The following SLAIN2 variants were observed in gnomAD, a reference collection of about 807,000 sequenced individuals.
SLAIN2 encodes the protein SLAIN motif-containing protein 2.
A neutral mutation model predicts 56.6 loss-of-function variants in SLAIN2; 31 were observed. The ratio of observed to expected loss-of-function variants is 0.55; its 90% CI spans 0.41 to 0.74. The LOEUF is 0.74. Among genes scored for constraint, SLAIN2 ranks in the 30% least tolerant of loss-of-function variants. The pLI is 0.00. For synonymous variants in SLAIN2, 317 were observed against 284.9 expected (o/e 1.11, Z -1.13); for missense variants, 777 against 754.2 (o/e 1.03, Z -0.35).
intron 2 of SLAIN2, among the ~76,000 whole-genome samples, chr4:48,371,934 C>T (rs1284312226): frequency 1.3e-5 from 2 of 151,544 alleles, no homozygotes; most frequent in African/African-American, 2.4e-5. Flanking sequence ...GAGCAAGACC[C>T]TGTTGCCAAA....
intron 1 of SLAIN2, among the ~76,000 whole-genome samples, chr4:48,359,641 GGGA>G (rs1162292478): frequency 6.6e-6 from 1 of 152,134 alleles, no homozygotes; most frequent in East Asian, 1.9e-4. Flanking sequence ...GGTAGAGAAA[GGGA>G]GGTTATTATC....
chr4:48,414,558 T>A (rs1159351075), intron 6 of SLAIN2, among the ~76,000 whole-genome samples: 3 of 35,168 alleles, frequency 8.5e-5, no homozygotes, highest in African/African-American at 1.8e-4. Flanking sequence ...GTATTTTTTT[T>A]TTTTTTTTTT....
At chr4:48,400,593 G>C (rs1006092408) in intron 6 of SLAIN2, among the ~76,000 whole-genome samples, 5 of 151,676 alleles carry the variant, frequency 3.3e-5, no homozygotes, top group African/African-American at 1.2e-4. Context: ...GTAGAGATGG[G>C]GTTTCACTAT....
rs76866681 is a variant in SLAIN2, at chr4:48,379,674, T to C, written c.704-16T>C. ...CTTTACCAGAGTTTGAATTTTTTTC[T>C]TTTTTTTTTTTTAAGGTAACTTGAA... is the stretch of plus-strand genomic sequence containing the variant. On this transcript the variant is annotated splice_polypyrimidine_tract_variant and intron_variant, in intron 3 of 7. Coordinates refer to ENST00000264313, the MANE Select transcript of SLAIN2 (RefSeq NM_020846.2). 1.1e-5 allele frequency: 3 copies of C among 282,300 alleles called. No homozygotes were observed. Among genetic ancestry groups the C allele is most frequent in the Non-Finnish European group, 1.2e-5 (2 of 171,312 alleles). 17.5% of individuals were successfully genotyped at this position (282,300 alleles called of 1,614,324 possible).
chr4:48,412,407 CACACACACAT>C (rs763242773), intron 6 of SLAIN2, among the ~76,000 whole-genome samples: 6,379 of 63,056 alleles, frequency 0.1, 349 homozygotes, highest in Middle Eastern at 0.21. Context: ...CACACACACA[CACACACACAT>C]TCCCTCTCTC....
intron 1 of SLAIN2, among the ~76,000 whole-genome samples, chr4:48,365,331 G>A (rs146532730): frequency 0.017 from 2,563 of 150,868 alleles, 73 homozygotes; most frequent in African/African-American, 0.059. Context: ...CTAGTTGGGC[G>A]TGGTGGCGGG....
chr4:48,401,590 G>A (rs1716558527), intron 6 of SLAIN2, among the ~76,000 whole-genome samples: 1 of 152,112 alleles, frequency 6.6e-6, no homozygotes, highest in Non-Finnish European at 1.5e-5. Flanking sequence ...CAGAAAGTAG[G>A]ATTGCAACCC....
At chr4:48,399,096 A>G (rs1468530934) in intron 6 of SLAIN2, among the ~76,000 whole-genome samples, 1 of 152,144 alleles carries the variant, frequency 6.6e-6, no homozygotes, top group Non-Finnish European at 1.5e-5. Flanking sequence ...CAGTATGGCC[A>G]TTTTCATGAT....
chr4:48,371,070 AAAG>A (rs1293068045), intron 2 of SLAIN2, among the ~76,000 whole-genome samples: 1 of 152,018 alleles, frequency 6.6e-6, no homozygotes, highest in Non-Finnish European at 1.5e-5. Context: ...TCCTCTATGA[AAAG>A]AAGCCCTTTT....
chr4:48,358,273 A>G (rs1258443688), intron 1 of SLAIN2, among the ~76,000 whole-genome samples: 1 of 152,058 alleles, frequency 6.6e-6, no homozygotes, highest in African/African-American at 2.4e-5. Context: ...TGTAATGAGC[A>G]TTTGATACAG....
chr4:48,360,524 A>G (rs436979), intron 1 of SLAIN2, among the ~76,000 whole-genome samples: 138,276 of 152,138 alleles, frequency 0.91, 64,321 homozygotes, highest in East Asian at 1. Flanking sequence ...CCTGGGAGAC[A>G]GAGGTTGCTG....
intron 6 of SLAIN2, among the ~76,000 whole-genome samples, chr4:48,393,293 A>AGCT (rs752639982): frequency 1.9e-4 from 29 of 152,230 alleles, no homozygotes; most frequent in Admixed American, 4.6e-4. Context: ...GTGCAGTCAC[A>AGCT]GCTCACTGCA....
intron 1 of SLAIN2, among the ~76,000 whole-genome samples, chr4:48,360,420 G>A (rs551644610): frequency 6.7e-4 from 102 of 151,880 alleles, no homozygotes; most frequent in African/African-American, 2.4e-3. Context: ...GGAAAACCTG[G>A]TCTCTACCAA....
intron 1 of SLAIN2, among the ~76,000 whole-genome samples, chr4:48,362,073 T>C (rs1715340431): frequency 1.3e-5 from 2 of 152,206 alleles, no homozygotes; most frequent in Admixed American, 1.3e-4. Context: ...TAATGGATTT[T>C]CTATATGCAG....
chr4:48,342,722 T>TC (rs1714753118), intron 1 of SLAIN2, among the ~76,000 whole-genome samples: 1 of 142,772 alleles, frequency 7.0e-6, no homozygotes, highest in Non-Finnish European at 1.5e-5. Flanking sequence ...TTTTTTTTTT[T>TC]TTTTTTTTTT....
intron 6 of SLAIN2, among the ~76,000 whole-genome samples, chr4:48,418,598 G>A (rs1226504162): frequency 6.6e-6 from 1 of 151,970 alleles, no homozygotes; most frequent in African/African-American, 2.4e-5. Flanking sequence ...AAACAATATT[G>A]ATCCGAAGTT....
At chr4:48,410,237 T>C (rs1327867941) in intron 6 of SLAIN2, among the ~76,000 whole-genome samples, 2 of 152,082 alleles carry the variant, frequency 1.3e-5, no homozygotes, top group Non-Finnish European at 2.9e-5. Context: ...TATATCTTCT[T>C]TGGAGAAATG....
intron 6 of SLAIN2, among the ~76,000 whole-genome samples, chr4:48,386,455 T>C (rs1449492357): frequency 6.6e-6 from 1 of 152,188 alleles, no homozygotes; most frequent in Non-Finnish European, 1.5e-5. Flanking sequence ...ACATCTATGG[T>C]TTAGACCATG....
chr4:48,349,961 G>A (rs534910392), intron 1 of SLAIN2, among the ~76,000 whole-genome samples: 11 of 151,674 alleles, frequency 7.3e-5, no homozygotes, highest in South Asian at 6.2e-4. Flanking sequence ...CAATTTAATT[G>A]GGCAAAAAAA....
Sources: allele counts gnomAD v4.1 joint callset (sites outside exome capture counted in the v4.1 genomes callset), GRCh38; gene constraint gnomAD v4.1.1; transcripts MANE v1.5; gene names NCBI Gene and HGNC (gene_info 2026-07-23, HGNC 2026-07-21).